Variants in RGS12 observed in about 807,000 individuals in gnomAD.
RGS12 encodes the protein regulator of G-protein signaling 12.
Under a neutral mutation model 120.1 loss-of-function variants are expected in RGS12, and 66 were observed. The ratio of observed to expected loss-of-function variants is 0.55; its 90% CI spans 0.45 to 0.67. The LOEUF (loss-of-function observed/expected upper bound fraction) is 0.67, where lower values mean the gene tolerates loss of function less well. Ranked by LOEUF, RGS12 falls within the 30% of genes least tolerant of loss-of-function variation. The pLI, the probability that RGS12 is intolerant of heterozygous loss-of-function variation, is 0.00. For missense variants in RGS12, 1,859 were observed against 1,957.7 expected, an observed-to-expected ratio of 0.95 and a Z score of 0.95; for synonymous variants, 827 against 804.7, an observed-to-expected ratio of 1.03 and a Z score of -0.47.
At chr4:3,392,703 T>G (rs1577038105) in intron 4 of RGS12, among the ~76,000 whole-genome samples, 1 of 152,262 alleles carries the variant, frequency 6.6e-6, no homozygotes, top group African/African-American at 2.4e-5. Context: ...ACCCCAAAAA[T>G]GTTGGCTGGG....
At chr4:3,307,929 C>T (rs1222407641) in intron 1 of RGS12, among the ~76,000 whole-genome samples, 1 of 152,244 alleles carries the variant, frequency 6.6e-6, no homozygotes, top group Non-Finnish European at 1.5e-5. Context: ...GCATATTTTC[C>T]TTACCTGGTG....
In RGS12 at chr4:3,389,782, G is replaced by A. The variant is rs1379875279; in HGVS notation, c.2020+3345G>A. 6.6e-6 allele frequency among the ~76,000 whole-genome samples: 1 copy of A among 152,270 alleles called. No homozygotes were observed. Among genetic ancestry groups the A allele is most frequent in the East Asian group, 1.9e-4 (1 of 5,182 alleles). On this transcript the variant is annotated intron_variant, in intron 4 of 17. Coordinates refer to ENST00000336727, the MANE Select transcript of RGS12 (RefSeq NM_001394154.1). This position sits in a 1 kb window ranked among gnomAD's most constrained non-coding sequence, Gnocchi z 5.2. ...GGGGAACTGTGCGGCTCTGGCTTTGGGGGACGGTGGCAGGTCCACATGACA... is the reference window on the plus strand; with the variant it reads ...GGGGAACTGTGCGGCTCTGGCTTTGAGGGACGGTGGCAGGTCCACATGACA...
intron 1 of RGS12, among the ~76,000 whole-genome samples, chr4:3,299,126 T>C (rs1243809755): frequency 1.3e-5 from 2 of 152,132 alleles, no homozygotes; most frequent in African/African-American, 4.8e-5. Context: ...TGGACTCAAA[T>C]GAAAATCTCT....
intron 1 of RGS12, among the ~76,000 whole-genome samples, chr4:3,295,600 C>T (rs1258058696): frequency 5.0e-5 from 7 of 139,596 alleles, no homozygotes; most frequent in Non-Finnish European, 9.1e-5. Context: ...GCGGAGGTTG[C>T]GGTGAGCCAA....
At chr4:3,335,293 CT>C (rs1282666381) in intron 2 of RGS12, among the ~76,000 whole-genome samples, 1 of 152,168 alleles carries the variant, frequency 6.6e-6, no homozygotes, top group Non-Finnish European at 1.5e-5. Context: ...GTAACCATTG[CT>C]GTAAGTTTGT....
rs544396716 is a variant in RGS12, at chr4:3,414,668, A to AC, written c.2191-80dup. The AC allele has an allele frequency of 1.7e-4, 164 of 975,916 alleles. 1 individual carries two copies. In the South Asian group the frequency reaches 1.9e-3, roughly 11 times the overall value. 60.5% of individuals were successfully genotyped at this position (975,916 alleles called of 1,614,324 possible). On this transcript the variant is annotated intron_variant, in intron 5 of 17. Transcript: ENST00000336727. Reference sequence around the variant, plus strand: ...CGGGCAGCTCACTGAGCAGCCAGTGACCCCGTGGTTTCTGTAGAAGGGGAA... The same window carrying AC: ...CGGGCAGCTCACTGAGCAGCCAGTGACCCCCGTGGTTTCTGTAGAAGGGGAA...
At position 3,374,438 on chromosome 4, in the gene RGS12, G is replaced by A. The variant is rs1035004964; in HGVS notation, c.1999-11978G>A. ...CCCTCGCATGCTGCCCTCCCAGCCT[G>A]GCCCTGCAGCAGACACTTCTGCCCT... On this transcript the variant is annotated intron_variant, in intron 3 of 17. Coordinates refer to ENST00000336727, the MANE Select transcript of RGS12 (RefSeq NM_001394154.1). The surrounding 1 kb of genome is among the most constrained non-coding windows in gnomAD (Gnocchi z 6.3). 2.6e-5 allele frequency among the ~76,000 whole-genome samples: 4 copies of A among 152,122 alleles called. No individual in the cohort carries two copies. The highest frequency in any genetic ancestry group is 2.0e-4 in the Admixed American group (3 of 15,274).
intron 4 of RGS12, among the ~76,000 whole-genome samples, chr4:3,393,497 A>T (rs1450310496): frequency 6.6e-6 from 1 of 151,132 alleles, no homozygotes; most frequent in African/African-American, 2.4e-5. Flanking sequence ...CGGTGGTTCT[A>T]CCTGGGCCCC....
intron 3 of RGS12, among the ~76,000 whole-genome samples, chr4:3,345,369 C>G (rs568451579): frequency 6.6e-6 from 1 of 152,340 alleles, no homozygotes; most frequent in East Asian, 1.9e-4. Flanking sequence ...ACAAGTGACT[C>G]CATTTTCTTT....
chr4:3,287,350 G>T, the RGS12 span, among the ~76,000 whole-genome samples: 3 of 151,868 alleles, frequency 2.0e-5, no homozygotes, highest in African/African-American at 7.3e-5. Flanking sequence ...ACATCACATG[G>T]TCTGAAAAAA....
chr4:3,334,139 C>CT (rs1712188650), intron 2 of RGS12, among the ~76,000 whole-genome samples: 1 of 152,158 alleles, frequency 6.6e-6, no homozygotes, highest in Admixed American at 6.5e-5. Context: ...CATGCCAGCT[C>CT]TTATGATATG....
intron 2 of RGS12, among the ~76,000 whole-genome samples, chr4:3,326,519 A>G (rs1725565055): frequency 6.6e-6 from 1 of 152,236 alleles, no homozygotes; most frequent in African/African-American, 2.4e-5. Flanking sequence ...AGTGCTGGGA[A>G]GTGTGAGCCA....
chr4:3,341,239 G>T, intron 2 of RGS12, among the ~76,000 whole-genome samples: 1 of 58,682 alleles, frequency 1.7e-5, no homozygotes, highest in Admixed American at 1.8e-4. Flanking sequence ...GGTGTGTGCG[G>T]TGGGGAGGGG....
chr4:3,292,827 C>T (rs1470273249), upstream of RGS12, among the ~76,000 whole-genome samples: 1 of 152,066 alleles, frequency 6.6e-6, no homozygotes, highest in Admixed American at 6.5e-5. Context: ...TCTTCTCATC[C>T]CTGCTTCCCT....
At chr4:3,318,782 G>C (rs1724982984) in intron 2 of RGS12, among the ~76,000 whole-genome samples, 1 of 152,190 alleles carries the variant, frequency 6.6e-6, no homozygotes, top group Non-Finnish European at 1.5e-5. Context: ...GTGCGGGGCT[G>C]TGCCTGTGCG....
intron 3 of RGS12, among the ~76,000 whole-genome samples, chr4:3,362,642 A>AGGGT (rs1189331987): frequency 1.0e-5 from 1 of 97,342 alleles, no homozygotes; most frequent in African/African-American, 4.2e-5. Flanking sequence ...TGTGAGAGTG[A>AGGGT]GGGTGTGTCA....
chr4:3,362,829 TTGAGTGTGAGAC>T (rs1560114831), intron 3 of RGS12, among the ~76,000 whole-genome samples: 1 of 128,740 alleles, frequency 7.8e-6, no homozygotes, highest in Non-Finnish European at 1.7e-5. Context: ...GTCAGTGTGT[TTGAGTGTGAGAC>T]TGAGTGTGAG....
chr4:3,427,515 C>T (rs1223508352), intron 14 of RGS12, among the ~76,000 whole-genome samples: 1 of 152,186 alleles, frequency 6.6e-6, no homozygotes, highest in African/African-American at 2.4e-5. Context: ...GTGGGTGGAT[C>T]ACCTGAGGTC....
chr4:3,423,445 C>G, intron 12 of RGS12, 70 bp from the exon 13 acceptor site: 1 of 1,592,772 alleles, frequency 6.3e-7, no homozygotes, highest in Non-Finnish European at 8.6e-7. Flanking sequence ...TGCTGTAGTT[C>G]TGCTCGTGAG....
Sources: gnomAD v4.1 joint callset for allele counts (sites outside exome capture counted in the v4.1 genomes callset) on GRCh38, gnomAD v4.1.1 for gene constraint, Gnocchi (gnomAD v3.1) non-coding constraint, MANE v1.5 for transcripts, NCBI Gene and HGNC (gene_info 2026-07-23, HGNC 2026-07-21) for gene names.